The following COX7B2 variants were observed in gnomAD, a reference collection of about 807,000 sequenced individuals.
COX7B2 encodes the protein cytochrome c oxidase subunit 7B2, also known as cytochrome c oxidase subunit 7B2, mitochondrial.
For synonymous variants in COX7B2, 37 were observed against 32.1 expected (o/e 1.15, Z -0.51); for missense variants, 109 against 95.9 (o/e 1.14, Z -0.57).
intron 2 of COX7B2, among the ~76,000 whole-genome samples, chr4:46,841,298 A>G (rs1430417911): frequency 6.6e-6 from 1 of 151,538 alleles, no homozygotes; most frequent in East Asian, 1.9e-4. Context: ...TTCCACAGAC[A>G]GTAAACAAGT....
At chr4:46,752,323 G>A (rs1313435999) in intron 2 of COX7B2, among the ~76,000 whole-genome samples, 2 of 150,990 alleles carry the variant, frequency 1.3e-5, no homozygotes, top group Non-Finnish European at 3.0e-5. Flanking sequence ...TTTGGGCTGA[G>A]AGGATGGGGT....
chr4:46,802,882 A>T (rs1464626304), intron 2 of COX7B2, among the ~76,000 whole-genome samples: 2 of 152,170 alleles, frequency 1.3e-5, no homozygotes, highest in Admixed American at 6.5e-5. Flanking sequence ...AAAACTGTGA[A>T]GAGATTGTAC....
chr4:46,873,416 T>A (rs544972236), intron 1 of COX7B2, among the ~76,000 whole-genome samples: 34 of 152,264 alleles, frequency 2.2e-4, no homozygotes, highest in African/African-American at 8.2e-4. Context: ...TCCACAATGG[T>A]TGAACTAATT....
chr4:46,899,820 A>G (rs577502992), intron 1 of COX7B2, among the ~76,000 whole-genome samples: 3 of 152,278 alleles, frequency 2.0e-5, no homozygotes, highest in African/African-American at 7.2e-5. Flanking sequence ...TATAATAGCT[A>G]TCATTTGTAG....
At chr4:46,861,849 C>G (rs145931521) in intron 1 of COX7B2, among the ~76,000 whole-genome samples, 2 of 152,236 alleles carry the variant, frequency 1.3e-5, no homozygotes, top group African/African-American at 4.8e-5. Context: ...CACAGAGTGT[C>G]CTCCGTCCCA....
intron 1 of COX7B2, among the ~76,000 whole-genome samples, chr4:46,894,905 G>A (rs578179321): frequency 1.3e-5 from 2 of 152,316 alleles, no homozygotes; most frequent in South Asian, 2.1e-4. Flanking sequence ...GATCATTAGA[G>A]AAATGCAAAT....
intron 2 of COX7B2, among the ~76,000 whole-genome samples, chr4:46,784,004 C>T (rs1236735335): frequency 6.6e-6 from 1 of 152,124 alleles, no homozygotes; most frequent in Non-Finnish European, 1.5e-5. Context: ...TTTCTGTTTC[C>T]CATTGTCTGT....
chr4:46,805,484 C>T (rs13119057), intron 2 of COX7B2, among the ~76,000 whole-genome samples: 25,550 of 152,248 alleles, frequency 0.17, 2,832 homozygotes, highest in Non-Finnish European at 0.25. Context: ...ATCTGTGTTA[C>T]AATCCTGCAA....
rs542443892 is a variant in COX7B2, at chr4:46,832,377, T to A, written c.-50+12583A>T. Reference sequence around the variant, plus strand: ...CCCACCCCGAGGGTACACAGCTTCATTCTTAAAGTCAGTGAGACCAAGAAC... The same window carrying A: ...CCCACCCCGAGGGTACACAGCTTCAATCTTAAAGTCAGTGAGACCAAGAAC... On this transcript the variant is annotated intron_variant, in intron 2 of 2. Transcript: ENST00000355591. Among the ~76,000 whole-genome samples the A allele has an allele frequency of 5.3e-5, 8 of 152,280 alleles. 1 individual carries two copies. The South Asian group carries it at 1.7e-3, about 32-fold the overall frequency.
intron 1 of COX7B2, among the ~76,000 whole-genome samples, chr4:46,850,759 C>A (rs1716623184): frequency 6.6e-6 from 1 of 151,980 alleles, no homozygotes; most frequent in South Asian, 2.1e-4. Flanking sequence ...TATTGCCTGC[C>A]AATACTATGC....
intron 2 of COX7B2, among the ~76,000 whole-genome samples, chr4:46,747,392 C>T (rs1715088525): frequency 6.6e-6 from 1 of 152,092 alleles, no homozygotes; most frequent in African/African-American, 2.4e-5. Context: ...CAACCTCTGC[C>T]TCTCACGTTC....
At chr4:46,740,916 T>C (rs1437247240) in intron 2 of COX7B2, among the ~76,000 whole-genome samples, 1 of 152,126 alleles carries the variant, frequency 6.6e-6, no homozygotes, top group Non-Finnish European at 1.5e-5. Context: ...AGCTTGTTGC[T>C]GACCTTGGGA....
chr4:46,879,168 G>C (rs1718544069), intron 1 of COX7B2, among the ~76,000 whole-genome samples: 2 of 151,748 alleles, frequency 1.3e-5, no homozygotes, highest in African/African-American at 2.4e-5. Flanking sequence ...CTTTTGCCCA[G>C]ACGAAGTACA....
chr4:46,763,011 T>TTATAATA (rs1047814900), intron 2 of COX7B2, among the ~76,000 whole-genome samples: 1 of 130,092 alleles, frequency 7.7e-6, no homozygotes, highest in African/African-American at 3.0e-5. Flanking sequence ...ATATACATAA[T>TTATAATA]TATAATATAT....
At chr4:46,784,072 A>T (rs1446807151) in intron 2 of COX7B2, among the ~76,000 whole-genome samples, 1 of 152,190 alleles carries the variant, frequency 6.6e-6, no homozygotes, top group Non-Finnish European at 1.5e-5. Flanking sequence ...CTTCCAAATC[A>T]TAGCCAGACA....
intron 2 of COX7B2, among the ~76,000 whole-genome samples, chr4:46,750,416 A>G (rs867776398): frequency 6.6e-5 from 10 of 152,060 alleles, no homozygotes; most frequent in South Asian, 2.1e-4. Context: ...AAACAAATAA[A>G]TGAGAATTTC....
intron 1 of COX7B2, among the ~76,000 whole-genome samples, chr4:46,886,147 G>A (rs1460511244): frequency 6.6e-6 from 1 of 152,058 alleles, no homozygotes; most frequent in African/African-American, 2.4e-5. Context: ...TTGACTTTAG[G>A]TAGTTACAGG....
At chr4:46,794,920 A>G (rs1361584439) in intron 2 of COX7B2, among the ~76,000 whole-genome samples, 1 of 152,164 alleles carries the variant, frequency 6.6e-6, no homozygotes, top group East Asian at 1.9e-4. Context: ...TAAAAACAGA[A>G]AGTAACAGCC....
At chr4:46,771,197 G>A (rs1299049556) in intron 2 of COX7B2, among the ~76,000 whole-genome samples, 1 of 152,132 alleles carries the variant, frequency 6.6e-6, no homozygotes, top group Non-Finnish European at 1.5e-5. Flanking sequence ...AACTGCTAAC[G>A]CGTGTATGGA....
Sources: allele counts gnomAD v4.1 joint callset (sites outside exome capture counted in the v4.1 genomes callset), GRCh38; gene constraint gnomAD v4.1.1; transcripts MANE v1.5; gene names NCBI Gene and HGNC (gene_info 2026-07-23, HGNC 2026-07-21).